DTWD2: variants seen among roughly 807,000 people sequenced by gnomAD.
DTWD2 encodes the protein tRNA-uridine aminocarboxypropyltransferase 2.
In DTWD2, 39 loss-of-function variants were observed where a neutral mutation model predicts 31.8. That is an observed-to-expected ratio of 1.22 (90% CI 0.95 to 1.60). The LOEUF is 1.60. DTWD2 is among the 40% of genes most tolerant of loss of function. The pLI is 0.00. For synonymous variants in DTWD2, 180 were observed against 142.8 expected (o/e 1.26, Z -1.86); for missense variants, 515 against 381.5 (o/e 1.35, Z -2.92).
At chr5:118,945,779 AAAG>A (rs869167232) in intron 1 of DTWD2, among the ~76,000 whole-genome samples, 4 of 18,808 alleles carry the variant, frequency 2.1e-4, no homozygotes, top group African/African-American at 8.2e-4. Flanking sequence ...AAAAAAAAAG[AAAG>A]AAAGAAAGAA....
chr5:118,928,550 C>A lies in DTWD2; in HGVS notation c.584G>T (p.Arg195Leu). 6.6e-7 allele frequency: 1 copy of A among 1,504,920 alleles called. No homozygotes were observed. The highest frequency in any genetic ancestry group is 1.5e-5 in the South Asian group (1 of 65,758). 93.2% of individuals were successfully genotyped at this position (1,504,920 alleles called of 1,614,324 possible). The change falls in exon 4 of 6, where the codon CGA becomes CTA. Residue 195 changes from arginine to leucine, a missense_variant. Physicochemically the swap from Arg to Leu is moderately radical, Grantham distance 102 (BLOSUM62 -2). Transcript: ENST00000510708. Reference sequence around the variant, plus strand: ...TTACTAGTTTACCTGTTTGGGATGTCGGAACAAGGAGTTCTTATAGAAAAT... The same window carrying A: ...TTACTAGTTTACCTGTTTGGGATGTAGGAACAAGGAGTTCTTATAGAAAAT... ...KDIFYKNSLF[R>L]HPKQVQLKTS... is the part of the protein sequence containing the mutation.
intron 3 of DTWD2, among the ~76,000 whole-genome samples, chr5:118,929,628 G>C (rs1181331248): frequency 6.6e-6 from 1 of 152,038 alleles, no homozygotes; most frequent in Non-Finnish European, 1.5e-5. Context: ...TAATTTGGCT[G>C]AAGTTTTTCT....
chr5:118,958,090 C>T (rs1754627655), intron 1 of DTWD2, among the ~76,000 whole-genome samples: 1 of 151,984 alleles, frequency 6.6e-6, no homozygotes, highest in Admixed American at 6.6e-5. Context: ...ATGTTTGTTC[C>T]TACTAGATCT....
chr5:118,975,223 C>T lies in DTWD2; in HGVS notation c.218+13071G>A, dbSNP rs191335535. Reference sequence around the variant, plus strand: ...TATTTCTTGGAGGCTTTGTTCGTTCCTTTTCATTCTTTTTTCTGTAATCTT... The same window carrying T: ...TATTTCTTGGAGGCTTTGTTCGTTCTTTTTCATTCTTTTTTCTGTAATCTT... On this transcript the variant is annotated intron_variant, in intron 1 of 5. Transcript: ENST00000510708. 3.1e-4 allele frequency among the ~76,000 whole-genome samples: 47 copies of T among 152,080 alleles called. No homozygotes were observed. The East Asian group carries it at 8.5e-3, about 28-fold the overall frequency.
At chr5:118,872,806 T>C (rs1752535384) in intron 4 of DTWD2, among the ~76,000 whole-genome samples, 1 of 152,242 alleles carries the variant, frequency 6.6e-6, no homozygotes, top group African/African-American at 2.4e-5. Context: ...GCAGAGTTGC[T>C]ACAAATCTTC....
At chr5:118,870,056 C>G (rs546543753) in intron 4 of DTWD2, among the ~76,000 whole-genome samples, 1 of 152,300 alleles carries the variant, frequency 6.6e-6, no homozygotes, top group South Asian at 2.1e-4. Context: ...TCCCTTCCAC[C>G]ATGATTGTAA....
chr5:118,859,857 C>G (rs951857100), intron 4 of DTWD2, among the ~76,000 whole-genome samples: 1 of 152,176 alleles, frequency 6.6e-6, no homozygotes. Context: ...ATGGCTCACA[C>G]TTGTAATCTC....
intron 1 of DTWD2, among the ~76,000 whole-genome samples, chr5:118,984,799 C>T (rs1410340522): frequency 2.0e-5 from 3 of 152,082 alleles, no homozygotes; most frequent in Non-Finnish European, 2.9e-5. Context: ...TGGTTTATGA[C>T]TCATCCTCAA....
chr5:118,962,454 G>A (rs767523138), intron 1 of DTWD2, among the ~76,000 whole-genome samples: 24 of 151,968 alleles, frequency 1.6e-4, no homozygotes, highest in Non-Finnish European at 2.9e-4. Context: ...TTCCCATCAC[G>A]AGGCAATTTA....
At chr5:118,848,281 T>C in intron 4 of DTWD2, 63 bp from the exon 5 acceptor site, 1 of 1,421,076 alleles carries the variant, frequency 7.0e-7, no homozygotes, top group Non-Finnish European at 9.4e-7. Flanking sequence ...AAAGTTTGTG[T>C]TTTAAATACT....
intron 1 of DTWD2, among the ~76,000 whole-genome samples, chr5:118,964,209 C>A (rs1343075598): frequency 7.0e-6 from 1 of 143,436 alleles, no homozygotes; most frequent in Non-Finnish European, 1.5e-5. Context: ...CAGAGCAAGA[C>A]TCCATCTCAA....
In DTWD2 at chr5:118,988,315, C is replaced by G; in HGVS notation, c.197G>C (p.Arg66Thr). Residue 66 changes from arginine to threonine, a missense_variant, in exon 1 of 6, where the codon AGG (arginine) becomes ACG (threonine). Coordinates refer to ENST00000510708, the MANE Select transcript of DTWD2 (RefSeq NM_173666.4). ...WELPVEPAERRPECTRCSRPQ... is the reference protein window; with the variant it reads ...WELPVEPAERTPECTRCSRPQ... Reference sequence around the variant, plus strand: ...TCACCTGCAGCGGGTGCACTCAGGCCTCCGCTCGGCCGGCTCCACCGGCAG... The same window carrying G: ...TCACCTGCAGCGGGTGCACTCAGGCGTCCGCTCGGCCGGCTCCACCGGCAG... 2 of 1,528,426 alleles carry G rather than the reference C, an allele frequency of 1.3e-6. No individual in the cohort carries two copies. The highest frequency in any genetic ancestry group is 1.8e-6 in the Non-Finnish European group (2 of 1,142,304). 94.7% of individuals were successfully genotyped at this position (1,528,426 alleles called of 1,614,324 possible).
At chr5:118,899,027 T>A (rs1027999626) in intron 4 of DTWD2, among the ~76,000 whole-genome samples, 7 of 152,228 alleles carry the variant, frequency 4.6e-5, no homozygotes, top group Non-Finnish European at 1.0e-4. Flanking sequence ...AATGCACACA[T>A]TCCCAGCTGA....
intron 1 of DTWD2, among the ~76,000 whole-genome samples, chr5:118,945,279 GT>G (rs1171277732): frequency 1.3e-5 from 2 of 152,016 alleles, no homozygotes; most frequent in Admixed American, 6.6e-5. Context: ...TACTGTTTAG[GT>G]AACTCTTACA....
intron 4 of DTWD2, among the ~76,000 whole-genome samples, chr5:118,888,871 CGTGT>C (rs1206725946): frequency 6.6e-6 from 1 of 152,068 alleles, no homozygotes; most frequent in Non-Finnish European, 1.5e-5. Context: ...AATATCTTTT[CGTGT>C]GTATTTGTTT....
At chr5:118,987,822 T>C (rs1417287644) in intron 1 of DTWD2, among the ~76,000 whole-genome samples, 2 of 152,142 alleles carry the variant, frequency 1.3e-5, no homozygotes, top group Non-Finnish European at 2.9e-5. Flanking sequence ...GGGACGTATG[T>C]AGGGTTTGAA....
intron 4 of DTWD2, among the ~76,000 whole-genome samples, chr5:118,884,102 ATC>A (rs1188684695): frequency 1.3e-5 from 2 of 152,226 alleles, no homozygotes; most frequent in Non-Finnish European, 2.9e-5. Flanking sequence ...AACATTTCTC[ATC>A]TCTGTTTAAT....
chr5:118,920,475 G>A lies in DTWD2; in HGVS notation c.597+8062C>T, dbSNP rs538868678. Among the ~76,000 whole-genome samples, 9 of 152,172 alleles carry A rather than the reference G, an allele frequency of 5.9e-5. No homozygotes were observed. The South Asian group carries it at 1.5e-3, about 25-fold the overall frequency. Reference sequence around the variant, plus strand: ...GTACAGGTGTGAGGTTACCTGGAACGGGGGCAGAGATTAACTTTTGCTTTA... The same window carrying A: ...GTACAGGTGTGAGGTTACCTGGAACAGGGGCAGAGATTAACTTTTGCTTTA... On this transcript the variant is annotated intron_variant, in intron 4 of 5. Coordinates refer to ENST00000510708, the MANE Select transcript of DTWD2 (RefSeq NM_173666.4).
rs545615262 is a variant in DTWD2, at chr5:118,861,046, G to C, written c.598-12828C>G. ...TGCATGACTTCATTGCTTTACACTA[G>C]AATTGGGCTTTAAAGGACAATTTTC... On this transcript the variant is annotated intron_variant, in intron 4 of 5. Coordinates refer to ENST00000510708, the MANE Select transcript of DTWD2 (RefSeq NM_173666.4). Among the ~76,000 whole-genome samples, 234 of 152,258 alleles carry C rather than the reference G, an allele frequency of 1.5e-3. 1 individual carries two copies. Among genetic ancestry groups the C allele is most frequent in the African/African-American group, 5.5e-3 (228 of 41,544 alleles).
Sources: gnomAD v4.1 joint callset for allele counts (sites outside exome capture counted in the v4.1 genomes callset) on GRCh38, gnomAD v4.1.1 for gene constraint, MANE v1.5 for transcripts, NCBI Gene and HGNC (gene_info 2026-07-23, HGNC 2026-07-21) for gene names.